The following PTPN12 variants were observed in gnomAD, a reference collection of about 807,000 sequenced individuals.
The protein encoded by PTPN12 is tyrosine-protein phosphatase non-receptor type 12.
PTPN12 carries 29 observed loss-of-function variants against 97.6 expected under a neutral mutation model. That is an observed-to-expected ratio of 0.30 (90% CI 0.22 to 0.41). PTPN12 has a LOEUF of 0.41. PTPN12 is among the 10% of genes least tolerant of loss of function. The probability of loss-of-function intolerance (pLI) is 1.00; values close to 1 mark genes in which losing one functional copy is unlikely to be tolerated. For synonymous variants in PTPN12, 327 were observed against 300.4 expected, an observed-to-expected ratio of 1.09 and a Z score of -0.91; for missense variants, 819 against 926.0, an observed-to-expected ratio of 0.88 and a Z score of 1.50.
intron 11 of PTPN12, among the ~76,000 whole-genome samples, chr7:77,613,007 G>C (rs777941905): frequency 1.7e-4 from 26 of 151,640 alleles, no homozygotes; most frequent in Non-Finnish European, 3.4e-4. Context: ...CTGACCTCAG[G>C]CGATCCCCCT....
chr7:77,607,100 T>G (rs1263395804), intron 8 of PTPN12, 135 bp from the exon 9 acceptor site: 1 of 624,844 alleles, frequency 1.6e-6, no homozygotes, highest in Non-Finnish European at 2.7e-6. Flanking sequence ...AGTTGTATTT[T>G]GTTTATTACT....
At chr7:77,619,344 C>G (rs745517116) in intron 12 of PTPN12, among the ~76,000 whole-genome samples, 6 of 152,136 alleles carry the variant, frequency 3.9e-5, no homozygotes, top group South Asian at 4.1e-4. Flanking sequence ...AAAGTTGGGT[C>G]AGACGGCCAG....
intron 12 of PTPN12, among the ~76,000 whole-genome samples, chr7:77,622,109 C>A (rs1788960831): frequency 6.6e-6 from 1 of 152,182 alleles, no homozygotes; most frequent in African/African-American, 2.4e-5. Context: ...CACACACCAC[C>A]ATGCCTGGCT....
Position 77,632,480 on chromosome 7 carries a change from A to G in PTPN12, c.2074+55A>G. 7.6e-6 allele frequency: 10 copies of G among 1,311,316 alleles called. No individual in the cohort carries two copies. In the African/African-American group the frequency reaches 1.2e-4, roughly 15 times the overall value. 81.2% of individuals were successfully genotyped at this position (1,311,316 alleles called of 1,614,324 possible). ...TTCATATTCTAATAATAAACTCCGAAAAACATACCTGATTTTAATCTATTA... is the reference window on the plus strand; with the variant it reads ...TTCATATTCTAATAATAAACTCCGAGAAACATACCTGATTTTAATCTATTA... On this transcript the variant is annotated intron_variant, in intron 14 of 17. Coordinates refer to ENST00000248594, the MANE Select transcript of PTPN12 (RefSeq NM_002835.4).
At chr7:77,556,063 GTTTGTTTGTT>G in intron 1 of PTPN12, among the ~76,000 whole-genome samples, 1 of 151,722 alleles carries the variant, frequency 6.6e-6, no homozygotes, top group African/African-American at 2.4e-5. Context: ...TTGTTTGTTT[GTTTGTTTGTT>G]TGTGTGAAAC....
At chr7:77,584,690 A>T (rs1787630160) in intron 4 of PTPN12, among the ~76,000 whole-genome samples, 1 of 152,124 alleles carries the variant, frequency 6.6e-6, no homozygotes, top group African/African-American at 2.4e-5. Flanking sequence ...ATCCTGGCTA[A>T]CACGGTGAAA....
At chr7:77,626,286 G>T (rs971137607) in intron 12 of PTPN12, among the ~76,000 whole-genome samples, 2 of 152,196 alleles carry the variant, frequency 1.3e-5, no homozygotes, top group Non-Finnish European at 2.9e-5. Context: ...TACGACTGAG[G>T]TAATGAAAAA....
chr7:77,595,599 T>C (rs1239452173), intron 6 of PTPN12, among the ~76,000 whole-genome samples: 1 of 152,214 alleles, frequency 6.6e-6, no homozygotes, highest in African/African-American at 2.4e-5. Context: ...TGAATTTGTC[T>C]ATCACAATAG....
rs182098230 is a variant in PTPN12 at position 77,620,867 on chromosome 7, G to A, written c.1025+2302G>A. On this transcript the variant is annotated intron_variant, in intron 12 of 17. Coordinates refer to ENST00000248594, the MANE Select transcript of PTPN12 (RefSeq NM_002835.4). ...GGAGACTGAGGCAGGAGAATCGCTT[G>A]AACCCAGGAAGCGAAGGTGCCAGTG... 1.3e-3 allele frequency among the ~76,000 whole-genome samples: 200 copies of A among 152,264 alleles called. 4 individuals carry two copies. The highest frequency in any genetic ancestry group is 1.9e-4 in the Non-Finnish European group (13 of 68,024).
chr7:77,572,812 C>T (rs569107617), intron 2 of PTPN12, among the ~76,000 whole-genome samples: 5 of 152,124 alleles, frequency 3.3e-5, no homozygotes, highest in African/African-American at 9.7e-5. Flanking sequence ...TGGCCAGGCG[C>T]GGTGGCTCAC....
At chr7:77,573,125 A>T in intron 2 of PTPN12, among the ~76,000 whole-genome samples, 1 of 150,784 alleles carries the variant, frequency 6.6e-6, no homozygotes, top group African/African-American at 2.4e-5. Flanking sequence ...CAGTGTACCT[A>T]GCACATAGTA....
At position 77,610,955 on chromosome 7, in the gene PTPN12, A is replaced by G; in HGVS notation, c.848A>G (p.Tyr283Cys). ...RHSAVQTKEQ[Y>C]ELVHRAIAQL... is the part of the protein sequence containing the mutation. The stretch of plus-strand genomic sequence containing the variant: ...CATTTTTCTCCTTCATAGGAGCAAT[A>G]TGAACTTGTTCATAGAGCTATTGCC... Residue 283 changes from tyrosine to cysteine, a missense_variant, in exon 11 of 18, where the codon TAT becomes TGT. Tyr to Cys is a radical substitution (Grantham distance 194). Around this residue, in one of 5 missense-constraint regions of PTPN12, gnomAD observed 42 missense variants for 120.9 expected, o/e 0.35. Transcript: ENST00000248594. 2 of 1,609,222 alleles carry G rather than the reference A, an allele frequency of 1.2e-6. No individual in the cohort carries two copies. The highest frequency in any genetic ancestry group is 1.7e-5 in the Admixed American group (1 of 59,072).
chr7:77,614,896 C>T (rs972142720), intron 11 of PTPN12, among the ~76,000 whole-genome samples: 3 of 152,116 alleles, frequency 2.0e-5, no homozygotes, highest in African/African-American at 7.2e-5. Context: ...GTTCTGTGTT[C>T]CAGTATTATT....
At chr7:77,623,547 C>A (rs1257926474) in intron 12 of PTPN12, among the ~76,000 whole-genome samples, 1 of 152,218 alleles carries the variant, frequency 6.6e-6, no homozygotes, top group East Asian at 1.9e-4. Context: ...CCTGTCTCTA[C>A]TAAAAATACA....
intron 1 of PTPN12, among the ~76,000 whole-genome samples, chr7:77,551,247 G>C (rs1807465384): frequency 6.6e-6 from 1 of 152,058 alleles, no homozygotes. Flanking sequence ...TTTTAGTATA[G>C]ACAAGGTTTT....
At chr7:77,627,958 A>G (rs963532664) in intron 13 of PTPN12, among the ~76,000 whole-genome samples, 1 of 152,110 alleles carries the variant, frequency 6.6e-6, no homozygotes, top group African/African-American at 2.4e-5. Context: ...GTGTTTTTGT[A>G]TCGGTCAAAA....
chr7:77,615,095 G>C (rs978059163), intron 11 of PTPN12, among the ~76,000 whole-genome samples: 1 of 152,172 alleles, frequency 6.6e-6, no homozygotes, highest in South Asian at 2.1e-4. Context: ...CATCTGTTAA[G>C]TTGTGCAGTG....
chr7:77,568,432 C>T (rs535713639), intron 1 of PTPN12, among the ~76,000 whole-genome samples: 38 of 152,024 alleles, frequency 2.5e-4, no homozygotes, highest in Non-Finnish European at 4.4e-4. Flanking sequence ...CCCAGGAGTT[C>T]GAGACCAGCC....
At chr7:77,638,591 G>A (rs1789688848) in intron 16 of PTPN12, 33 bp from the exon 17 acceptor site, 1 of 1,541,516 alleles carries the variant, frequency 6.5e-7, no homozygotes, top group South Asian at 1.3e-5. Flanking sequence ...TACAAAGGAT[G>A]GTGATTAACA....
Sources: allele counts gnomAD v4.1 joint callset (sites outside exome capture counted in the v4.1 genomes callset), GRCh38; gene constraint gnomAD v4.1.1; regional missense constraint gnomAD v4.1.1; transcripts MANE v1.5; gene names NCBI Gene and HGNC (gene_info 2026-07-23, HGNC 2026-07-21).